OLFM3: variants seen among roughly 807,000 people sequenced by gnomAD.
The protein encoded by OLFM3 is noelin-3.
Under a neutral mutation model 48.6 loss-of-function variants are expected in OLFM3, and 20 were observed. That is an observed-to-expected ratio of 0.41 (90% CI 0.29 to 0.60). The LOEUF is 0.60. Ranked by LOEUF, OLFM3 falls within the 20% of genes least tolerant of loss-of-function variation. The pLI, the probability that OLFM3 is intolerant of heterozygous loss-of-function variation, is 0.28. For missense variants in OLFM3, 437 were observed against 544.3 expected (o/e 0.80, Z 1.96); for synonymous variants, 222 against 198.1 (o/e 1.12, Z -1.01).
At chr1:101,841,931 T>C (rs948566598) in intron 1 of OLFM3, among the ~76,000 whole-genome samples, 2 of 152,180 alleles carry the variant, frequency 1.3e-5, no homozygotes, top group Non-Finnish European at 2.9e-5. Context: ...AAATTTTCTG[T>C]CTGAAGATAG....
At chr1:101,821,607 A>G (rs1654610554) in intron 4 of OLFM3, among the ~76,000 whole-genome samples, 1 of 152,074 alleles carries the variant, frequency 6.6e-6, no homozygotes, top group Non-Finnish European at 1.5e-5. Context: ...ACATGTTGGG[A>G]TAGTAAAAAC....
At chr1:101,822,270 T>C (rs1654644165) in intron 4 of OLFM3, among the ~76,000 whole-genome samples, 1 of 152,130 alleles carries the variant, frequency 6.6e-6, no homozygotes, top group Non-Finnish European at 1.5e-5. Flanking sequence ...AAAGCTCATT[T>C]ATAAAATTGA....
intron 1 of OLFM3, among the ~76,000 whole-genome samples, chr1:101,983,319 G>A (rs1661151099): frequency 6.6e-6 from 1 of 152,048 alleles, no homozygotes; most frequent in Admixed American, 6.5e-5. Flanking sequence ...CTTTCTTTAA[G>A]GATTCCTGTC....
intron 1 of OLFM3, among the ~76,000 whole-genome samples, chr1:101,955,154 A>C (rs547593843): frequency 1.3e-4 from 20 of 152,114 alleles, no homozygotes; most frequent in African/African-American, 4.8e-4. Context: ...TATGGTACCT[A>C]TATCGTCATT....
chr1:101,974,068 G>A (rs1570680842), intron 1 of OLFM3, among the ~76,000 whole-genome samples: 2 of 149,880 alleles, frequency 1.3e-5, no homozygotes, highest in African/African-American at 4.9e-5. Flanking sequence ...ATACAAGGTT[G>A]TTATTGACTC....
At chr1:101,956,931 C>T (rs1660315446) in intron 1 of OLFM3, among the ~76,000 whole-genome samples, 1 of 151,694 alleles carries the variant, frequency 6.6e-6, no homozygotes, top group Non-Finnish European at 1.5e-5. Flanking sequence ...TCTTCCTAAT[C>T]AGATCACGAA....
intron 1 of OLFM3, among the ~76,000 whole-genome samples, chr1:101,914,128 A>G (rs1658849552): frequency 6.6e-6 from 1 of 152,200 alleles, no homozygotes; most frequent in South Asian, 2.1e-4. Flanking sequence ...AATTAATTAT[A>G]TAAACCTTAA....
intron 1 of OLFM3, among the ~76,000 whole-genome samples, chr1:101,899,115 G>A (rs144412187): frequency 2.6e-5 from 4 of 152,300 alleles, no homozygotes; most frequent in Non-Finnish European, 5.9e-5. Context: ...TCTACCTCAA[G>A]GTCTCTCACA....
chr1:101,890,021 T>C (rs1657928063), intron 1 of OLFM3, among the ~76,000 whole-genome samples: 1 of 152,038 alleles, frequency 6.6e-6, no homozygotes, highest in East Asian at 1.9e-4. Flanking sequence ...GGGAACTGAT[T>C]AAGTAAATCA....
chr1:101,808,002 AG>A (rs1301052848), intron 4 of OLFM3, among the ~76,000 whole-genome samples: 1 of 151,822 alleles, frequency 6.6e-6, no homozygotes, highest in African/African-American at 2.4e-5. Context: ...CAGAATAAGT[AG>A]AAGTAGTATT....
chr1:101,936,637 C>A (rs1379996878), intron 1 of OLFM3, among the ~76,000 whole-genome samples: 1 of 152,104 alleles, frequency 6.6e-6, no homozygotes, highest in African/African-American at 2.4e-5. Context: ...CAAAAAAGAC[C>A]TTGAATACCC....
At chr1:101,990,856 C>A (rs1000741489) in intron 1 of OLFM3, among the ~76,000 whole-genome samples, 7 of 150,362 alleles carry the variant, frequency 4.7e-5, no homozygotes, top group African/African-American at 1.7e-4. Flanking sequence ...TGGTAGCAGG[C>A]GCCTGTGGTC....
At chr1:101,940,286 C>T (rs1206228508) in intron 1 of OLFM3, among the ~76,000 whole-genome samples, 2 of 150,876 alleles carry the variant, frequency 1.3e-5, no homozygotes, top group East Asian at 3.9e-4. Context: ...TTTTTCAGAA[C>T]CACAATAGAG....
At chr1:101,905,563 G>A (rs116504895) in intron 1 of OLFM3, among the ~76,000 whole-genome samples, 192 of 152,210 alleles carry the variant, frequency 1.3e-3, no homozygotes, top group African/African-American at 4.4e-3. Flanking sequence ...TAAGGAAGTT[G>A]TAAAGTAAAT....
intron 1 of OLFM3, among the ~76,000 whole-genome samples, chr1:101,948,706 G>T (rs1174131559): frequency 6.6e-6 from 1 of 151,836 alleles, no homozygotes; most frequent in African/African-American, 2.4e-5. Context: ...GGTACTAAAA[G>T]AACTGGATGT....
At chr1:101,943,171 T>C (rs1413821014) in intron 1 of OLFM3, among the ~76,000 whole-genome samples, 1 of 152,204 alleles carries the variant, frequency 6.6e-6, no homozygotes, top group African/African-American at 2.4e-5. Flanking sequence ...TTCATAAAAA[T>C]TGACATTTAG....
intron 1 of OLFM3, among the ~76,000 whole-genome samples, chr1:101,863,216 C>T (rs1656725258): frequency 6.6e-6 from 1 of 152,120 alleles, no homozygotes; most frequent in East Asian, 1.9e-4. Context: ...GCCTTGGATC[C>T]GCCTGCCTTC....
chr1:101,921,379 C>A (rs1040098097), intron 1 of OLFM3, among the ~76,000 whole-genome samples: 8 of 152,108 alleles, frequency 5.3e-5, no homozygotes, highest in Non-Finnish European at 1.2e-4. Context: ...GCAAAAGAAA[C>A]ATATTTTGAA....
At chr1:101,984,555 G>A (rs1331313347) in intron 1 of OLFM3, among the ~76,000 whole-genome samples, 1 of 152,108 alleles carries the variant, frequency 6.6e-6, no homozygotes, top group Non-Finnish European at 1.5e-5. Context: ...CTGCCGCCAT[G>A]CCCAGCTAAT....
Sources: allele counts gnomAD v4.1 joint callset (sites outside exome capture counted in the v4.1 genomes callset), GRCh38; gene constraint gnomAD v4.1.1; transcripts MANE v1.5; gene names NCBI Gene and HGNC (gene_info 2026-07-23, HGNC 2026-07-21).